The following LHFPL4 variants were observed in gnomAD, a reference collection of about 807,000 sequenced individuals.
LHFPL4 encodes LHFPL tetraspan subfamily member 4.
A neutral mutation model predicts 20.0 loss-of-function variants in LHFPL4; 6 were observed. That is an observed-to-expected ratio of 0.30 (90% CI 0.16 to 0.59). The LOEUF (loss-of-function observed/expected upper bound fraction) is 0.59. Ranked by LOEUF, LHFPL4 falls within the 20% of genes least tolerant of loss-of-function variation. The pLI is 0.88. For missense variants in LHFPL4, 215 were observed against 331.2 expected, an observed-to-expected ratio of 0.65 and a Z score of 2.72; for synonymous variants, 129 against 143.8, an observed-to-expected ratio of 0.90 and a Z score of 0.74.
At chr3:9,522,514 C>A (rs952136276) in intron 2 of LHFPL4, among the ~76,000 whole-genome samples, 2 of 142,638 alleles carry the variant, frequency 1.4e-5, no homozygotes, top group African/African-American at 5.2e-5. Context: ...CCAAGGCGGG[C>A]AGATCACCTA....
chr3:9,542,803 T>G (rs1039453237), intron 2 of LHFPL4, among the ~76,000 whole-genome samples: 5 of 121,806 alleles, frequency 4.1e-5, no homozygotes, highest in African/African-American at 1.6e-4. Context: ...CAAGGCCCTA[T>G]CTCAAAAAAA....
intron 2 of LHFPL4, among the ~76,000 whole-genome samples, chr3:9,546,788 G>A (rs1246106355): frequency 1.3e-5 from 2 of 152,196 alleles, no homozygotes; most frequent in African/African-American, 2.4e-5. Flanking sequence ...TGTCACAAGA[G>A]TAACAGCGAC....
chr3:9,523,893 C>G (rs1349085245), intron 2 of LHFPL4, among the ~76,000 whole-genome samples: 1 of 152,026 alleles, frequency 6.6e-6, no homozygotes, highest in African/African-American at 2.4e-5. Context: ...GTAACAAATT[C>G]TCTCAACTTT....
chr3:9,523,129 AGCAAG>A (rs1212878213), intron 2 of LHFPL4, among the ~76,000 whole-genome samples: 1 of 151,182 alleles, frequency 6.6e-6, no homozygotes, highest in African/African-American at 2.4e-5. Flanking sequence ...CAAGCAAGCA[AGCAAG>A]CGAGCCAGGC....
intron 2 of LHFPL4, among the ~76,000 whole-genome samples, chr3:9,513,126 A>AT (rs1451720241): frequency 6.6e-6 from 1 of 151,618 alleles, no homozygotes; most frequent in Admixed American, 6.6e-5. Flanking sequence ...CTCCCGGCTA[A>AT]TTTTTTTGTA....
At chr3:9,543,231 G>C (rs2046488873) in intron 2 of LHFPL4, among the ~76,000 whole-genome samples, 2 of 151,866 alleles carry the variant, frequency 1.3e-5, no homozygotes, top group Admixed American at 6.6e-5. Context: ...GCCGGGCATG[G>C]TGGCTCACGC....
intron 2 of LHFPL4, among the ~76,000 whole-genome samples, chr3:9,532,860 A>G (rs1174116149): frequency 1.3e-5 from 2 of 151,602 alleles, no homozygotes; most frequent in Non-Finnish European, 2.9e-5. Context: ...GCCACCTACC[A>G]CTTTTTCACC....
intron 2 of LHFPL4, among the ~76,000 whole-genome samples, chr3:9,538,544 C>G (rs559720830): frequency 6.6e-6 from 1 of 152,106 alleles, no homozygotes; most frequent in East Asian, 1.9e-4. Flanking sequence ...ATGGTGTGCA[C>G]GCAAATTCAC....
chr3:9,541,042 C>T (rs986091513), intron 2 of LHFPL4, among the ~76,000 whole-genome samples: 3 of 151,874 alleles, frequency 2.0e-5, no homozygotes, highest in South Asian at 2.1e-4. Flanking sequence ...TGGGTTCAAG[C>T]GATTCTCCTG....
Position 9,498,784 on chromosome 3 carries a change from A to C in LHFPL4, c.*3427T>G, listed in dbSNP as rs2046149309. On this transcript the variant is annotated 3_prime_UTR_variant, in exon 4 of 4. Transcript: ENST00000287585. ...CGTGTGCCCAAGCAGGATGCTCAAA[A>C]GGCCAGGGACTCTCCCCACAGCCTT... 6.5e-6 allele frequency: 1 copy of C among 152,694 alleles called. No individual in the cohort carries two copies. Among genetic ancestry groups the C allele is most frequent in the Non-Finnish European group, 1.5e-5 (1 of 68,050 alleles). The allele number at this position is 152,694 out of a possible 1,614,324, so 9.5% of individuals were successfully genotyped here. A position where few individuals can be genotyped will look rare whatever the true frequency, so the allele number is the denominator to read the frequency against.
chr3:9,514,820 C>T (rs1303938122), intron 2 of LHFPL4, among the ~76,000 whole-genome samples: 2 of 152,234 alleles, frequency 1.3e-5, no homozygotes, highest in Non-Finnish European at 2.9e-5. Context: ...CATATCTCCT[C>T]ATGGCTTCAT....
intron 2 of LHFPL4, among the ~76,000 whole-genome samples, chr3:9,510,436 CAAA>C (rs34617447): frequency 7.7e-5 from 9 of 117,342 alleles, no homozygotes; most frequent in Non-Finnish European, 7.4e-5. Context: ...GACATGGTTT[CAAA>C]AAAAAAAAAA....
At position 9,552,532 on chromosome 3, in the gene LHFPL4, T is replaced by C. The variant is rs1393366631; in HGVS notation, c.148A>G (p.Ser50Gly). 6.2e-7 allele frequency: 1 copy of C among 1,613,834 alleles called. No homozygotes were observed. The highest frequency in any genetic ancestry group is 1.7e-4 in the Middle Eastern group (1 of 6,058). Reference protein sequence around the residue: ...VFIQPYWVGDSVSTPKPGYFG... With the variant: ...VFIQPYWVGDGVSTPKPGYFG... ...TAGCCAGGCTTGGGGGTGCTCACGC[T>C]GTCGCCCACCCAGTAGGGCTGGATG... is the stretch of plus-strand genomic sequence containing the variant. Residue 50 changes from serine to glycine, a missense_variant, in exon 2 of 4, where the codon AGC becomes GGC. Ser to Gly is a moderately conservative substitution (Grantham distance 56, BLOSUM62 0). Around this residue, in one of 2 missense-constraint regions of LHFPL4, gnomAD observed 164 missense variants for 286.7 expected, o/e 0.57. Transcript: ENST00000287585.
At chr3:9,534,096 T>C (rs2046429064) in intron 2 of LHFPL4, among the ~76,000 whole-genome samples, 1 of 151,608 alleles carries the variant, frequency 6.6e-6, no homozygotes, top group South Asian at 2.1e-4. Flanking sequence ...CATGCCACCA[T>C]GCAGTAGTCC....
In LHFPL4 at chr3:9,505,872, C is replaced by A. The variant is rs1481324576; in HGVS notation, c.643+95G>T. ...CCACGCCCAGCCAGGGTTTCCAATTCATGCAACCCTCTTACTCCTTTTATT... is the reference window on the plus strand; with the variant it reads ...CCACGCCCAGCCAGGGTTTCCAATTAATGCAACCCTCTTACTCCTTTTATT... On this transcript the variant is annotated intron_variant, in intron 3 of 3. Coordinates refer to ENST00000287585, the MANE Select transcript of LHFPL4 (RefSeq NM_198560.3). The A allele has an allele frequency of 8.3e-6, 10 of 1,210,296 alleles. No homozygotes were observed. In the East Asian group the frequency reaches 2.1e-4, roughly 25 times the overall value. The allele number at this position is 1,210,296 out of a possible 1,614,324, so 75.0% of individuals were successfully genotyped here. A position where few individuals can be genotyped will look rare whatever the true frequency, so the allele number is the denominator to read the frequency against.
chr3:9,518,813 GGA>G (rs2046319709), intron 2 of LHFPL4, among the ~76,000 whole-genome samples: 1 of 149,280 alleles, frequency 6.7e-6, no homozygotes, highest in East Asian at 2.0e-4. Flanking sequence ...CACCTAGGCT[GGA>G]GTACAATGGC....
chr3:9,522,869 G>A (rs543903850), intron 2 of LHFPL4, among the ~76,000 whole-genome samples: 6 of 151,290 alleles, frequency 4.0e-5, no homozygotes, highest in African/African-American at 7.3e-5. Context: ...GTGAAACCCC[G>A]TCTCTACTAA....
chr3:9,533,192 A>G (rs1327732674), intron 2 of LHFPL4, among the ~76,000 whole-genome samples: 1 of 152,098 alleles, frequency 6.6e-6, no homozygotes, highest in Non-Finnish European at 1.5e-5. Context: ...CATCCCCTAG[A>G]CCCAGACCCC....
At chr3:9,511,249 G>A (rs190932656) in intron 2 of LHFPL4, among the ~76,000 whole-genome samples, 1 of 152,048 alleles carries the variant, frequency 6.6e-6, no homozygotes, top group Admixed American at 6.5e-5. Context: ...TACTCGGGAG[G>A]CTGAGGCAGG....
Sources: gnomAD v4.1 joint callset for allele counts (sites outside exome capture counted in the v4.1 genomes callset) on GRCh38, gnomAD v4.1.1 for gene constraint, gnomAD v4.1.1 regional missense constraint, MANE v1.5 for transcripts, NCBI Gene and HGNC (gene_info 2026-07-23, HGNC 2026-07-21) for gene names.